NFATC2: variants seen among roughly 807,000 people sequenced by gnomAD.
NFATC2 encodes the protein nuclear factor of activated T cells 2, also known as nuclear factor of activated T-cells, cytoplasmic 2.
In NFATC2, 22 loss-of-function variants were observed where a neutral mutation model predicts 87.3. The observed-to-expected ratio is 0.25, with a 90% CI of 0.18 to 0.36. The LOEUF (loss-of-function observed/expected upper bound fraction) is 0.36, where lower values mean the gene tolerates loss of function less well. Among genes scored for constraint, NFATC2 ranks in the 10% least tolerant of loss-of-function variants. The probability of loss-of-function intolerance (pLI) is 1.00; values close to 1 mark genes in which losing one functional copy is unlikely to be tolerated. For synonymous variants in NFATC2, 565 were observed against 542.2 expected, an observed-to-expected ratio of 1.04 and a Z score of -0.58; for missense variants, 1,149 against 1,259.1, an observed-to-expected ratio of 0.91 and a Z score of 1.32.
intron 9 of NFATC2, among the ~76,000 whole-genome samples, chr20:51,407,042 G>A (rs564093679): frequency 1.3e-5 from 2 of 152,148 alleles, no homozygotes; most frequent in South Asian, 2.1e-4. Context: ...CTTAGTATAC[G>A]CTATTCACGT....
At chr20:51,562,691 G>T, upstream of NFATC2, 1 of 1,468,766 alleles carries the variant, frequency 6.8e-7, no homozygotes, top group Non-Finnish European at 9.3e-7. This position sits in a 1 kb window ranked among gnomAD's most constrained non-coding sequence, Gnocchi z 5.8. Context: ...TCGACCAGCA[G>T]CCGAGGGGAC....
intron 4 of NFATC2, among the ~76,000 whole-genome samples, chr20:51,475,159 G>A (rs1406728358): frequency 6.6e-6 from 1 of 151,842 alleles, no homozygotes; most frequent in African/African-American, 2.4e-5. Context: ...AATAGAGATG[G>A]GGTTTCACCA....
At chr20:51,491,448 T>C (rs574116681) in intron 3 of NFATC2, among the ~76,000 whole-genome samples, 1 of 152,336 alleles carries the variant, frequency 6.6e-6, no homozygotes, top group South Asian at 2.1e-4. Flanking sequence ...CCAGGAAATA[T>C]TCAACGACCA....
intron 3 of NFATC2, among the ~76,000 whole-genome samples, chr20:51,516,174 AC>A (rs1600922311): frequency 6.6e-6 from 1 of 152,176 alleles, no homozygotes; most frequent in Non-Finnish European, 1.5e-5. Context: ...CCACAGACAC[AC>A]AAAAAAGCTA....
At chr20:51,421,976 T>C (rs1023368811) in intron 9 of NFATC2, among the ~76,000 whole-genome samples, 6 of 152,168 alleles carry the variant, frequency 3.9e-5, no homozygotes, top group African/African-American at 9.7e-5. Flanking sequence ...CAGAAATCTA[T>C]AAGAACCGGC....
chr20:51,542,751 G>GT (rs1276929891), upstream of NFATC2: 53 of 614,694 alleles, frequency 8.6e-5, 1 homozygote, highest in African/African-American at 1.7e-4. Context: ...CGGGGAGGCG[G>GT]GGGGGGGGGG....
chr20:51,388,846 A>C lies in NFATC2; in HGVS notation c.*2650T>G, dbSNP rs769044272. The C allele has an allele frequency of 4.6e-5, 7 of 152,192 alleles. No homozygotes were observed. The highest frequency in any genetic ancestry group is 8.8e-5 in the Non-Finnish European group (6 of 68,042). 9.4% of individuals were successfully genotyped at this position (152,192 alleles called of 1,614,324 possible). ...GAGATCCTTCTAACACACGTGCAAC[A>C]CACCCATCTTTACCATTTAGACACC... On this transcript the variant is annotated 3_prime_UTR_variant, in exon 11 of 11. Transcript: ENST00000371564.
At chr20:51,423,318 A>G (rs941041371) in intron 9 of NFATC2, among the ~76,000 whole-genome samples, 47 of 128,388 alleles carry the variant, frequency 3.7e-4, no homozygotes, top group Non-Finnish European at 7.1e-4. Context: ...AAAAAAAAGG[A>G]TTATCTTGGG....
intron 3 of NFATC2, among the ~76,000 whole-genome samples, chr20:51,505,210 GT>G (rs1194539249): frequency 1.5e-4 from 22 of 151,158 alleles, no homozygotes. Flanking sequence ...TAGAGACAGG[GT>G]TTCACTGTGT....
intron 1 of NFATC2, among the ~76,000 whole-genome samples, chr20:51,549,475 C>T (rs2076915672): frequency 6.6e-6 from 1 of 152,200 alleles, no homozygotes; most frequent in African/African-American, 2.4e-5. Context: ...TACATATGAA[C>T]CCCTTCCACC....
intron 5 of NFATC2, among the ~76,000 whole-genome samples, chr20:51,468,846 G>C (rs1432385115): frequency 6.6e-6 from 1 of 152,184 alleles, no homozygotes; most frequent in Non-Finnish European, 1.5e-5. Flanking sequence ...CTAAACAGGG[G>C]CCTTGGATGA....
chr20:51,439,249 C>T (rs188112702), intron 6 of NFATC2, among the ~76,000 whole-genome samples: 12 of 152,298 alleles, frequency 7.9e-5, no homozygotes, highest in African/African-American at 2.9e-4. Flanking sequence ...ACTCTAAGCA[C>T]CTCGTATACA....
chr20:51,491,946 A>G (rs1029412673), intron 3 of NFATC2, among the ~76,000 whole-genome samples: 3 of 144,052 alleles, frequency 2.1e-5, no homozygotes, highest in South Asian at 2.2e-4. Flanking sequence ...ACTCCCTGTG[A>G]AAGCTTATGA....
intron 5 of NFATC2, among the ~76,000 whole-genome samples, chr20:51,457,672 A>G (rs1472061146): frequency 3.8e-5 from 3 of 79,070 alleles, no homozygotes; most frequent in Non-Finnish European, 8.5e-5. Flanking sequence ...TACAACTCCA[A>G]GTGCAGGCCA....
chr20:51,556,386 C>T (rs113674832), intron 1 of NFATC2, among the ~76,000 whole-genome samples: 7 of 152,328 alleles, frequency 4.6e-5, no homozygotes, highest in African/African-American at 1.2e-4. Context: ...CTCCATTCTC[C>T]TTTTAACCGT....
intron 8 of NFATC2, among the ~76,000 whole-genome samples, chr20:51,434,381 G>C (rs1407120646): frequency 6.6e-6 from 1 of 152,206 alleles, no homozygotes; most frequent in Non-Finnish European, 1.5e-5. Flanking sequence ...ATCTTGGAAG[G>C]TAGCTAGCAG....
chr20:51,388,547 AGATTTCT>A lies in NFATC2; in HGVS notation c.*2942_*2948del, dbSNP rs1236306324. The A allele has an allele frequency of 6.6e-6, 1 of 152,228 alleles. No homozygotes were observed. The highest frequency in any genetic ancestry group is 6.5e-5 in the Admixed American group (1 of 15,288). The allele number at this position is 152,228 out of a possible 1,614,324, so 9.4% of individuals were successfully genotyped here. A position where few individuals can be genotyped will look rare whatever the true frequency, so the allele number is the denominator to read the frequency against. ...TATGTGTAAAAAGAGACACTTAAAAAGATTTCTGACCATTTATAAATATAAATCTAAT... is the reference window on the plus strand; with the variant it reads ...TATGTGTAAAAAGAGACACTTAAAAAGACCATTTATAAATATAAATCTAAT... On this transcript the variant is annotated 3_prime_UTR_variant, in exon 11 of 11. Coordinates refer to ENST00000371564, the MANE Select transcript of NFATC2 (RefSeq NM_012340.5).
At chr20:51,529,097 A>T (rs914116346) in intron 1 of NFATC2, among the ~76,000 whole-genome samples, 2 of 152,204 alleles carry the variant, frequency 1.3e-5, no homozygotes, top group African/African-American at 4.8e-5. Flanking sequence ...GGCCGACAAC[A>T]TTCTGAGAAT....
intron 3 of NFATC2, among the ~76,000 whole-genome samples, chr20:51,476,150 A>G (rs1353171354): frequency 6.7e-6 from 1 of 150,294 alleles, no homozygotes; most frequent in Non-Finnish European, 1.5e-5. Flanking sequence ...ATATGTATAC[A>G]TGTGCCATGT....
Sources: allele counts gnomAD v4.1 joint callset (sites outside exome capture counted in the v4.1 genomes callset), GRCh38; gene constraint gnomAD v4.1.1; non-coding constraint Gnocchi (gnomAD v3.1); transcripts MANE v1.5; gene names NCBI Gene and HGNC (gene_info 2026-07-23, HGNC 2026-07-21).